The following RIT2 variants were observed in gnomAD, a reference collection of about 807,000 sequenced individuals.
RIT2 encodes Ras like without CAAX 2, also known as GTP-binding protein Rit2.
A neutral mutation model predicts 23.7 loss-of-function variants in RIT2; 24 were observed. The ratio of observed to expected loss-of-function variants is 1.01; its 90% CI spans 0.73 to 1.43. The LOEUF is 1.43. Ranked by LOEUF, RIT2 falls within the 40% of genes most tolerant of loss-of-function variation. The pLI, the probability that RIT2 is intolerant of heterozygous loss-of-function variation, is 0.00. For missense variants in RIT2, 236 were observed against 266.9 expected, an observed-to-expected ratio of 0.88 and a Z score of 0.81; for synonymous variants, 107 against 91.1, an observed-to-expected ratio of 1.17 and a Z score of -0.99.
intron 1 of RIT2, among the ~76,000 whole-genome samples, chr18:43,039,547 C>T (rs1327325099): frequency 1.3e-5 from 2 of 151,974 alleles, no homozygotes; most frequent in Admixed American, 1.3e-4. Flanking sequence ...AGGGTTTCTC[C>T]GTGTTGGTCA....
intron 4 of RIT2, among the ~76,000 whole-genome samples, chr18:42,790,592 C>A (rs952374378): frequency 2.0e-5 from 3 of 152,124 alleles, no homozygotes; most frequent in African/African-American, 7.2e-5. Context: ...CCACACCCAG[C>A]AAATTTTTGT....
intron 2 of RIT2, among the ~76,000 whole-genome samples, chr18:42,988,225 A>G (rs368889325): frequency 3.3e-5 from 5 of 152,296 alleles, no homozygotes; most frequent in African/African-American, 9.6e-5. Context: ...TTAAAAAAAA[A>G]GTTTTAAAAA....
chr18:42,964,759 T>G (rs951617863), intron 3 of RIT2, among the ~76,000 whole-genome samples: 1 of 152,230 alleles, frequency 6.6e-6, no homozygotes, highest in Non-Finnish European at 1.5e-5. Context: ...ATAAACCTCC[T>G]AAAATGATTT....
chr18:42,912,067 T>A (rs1908783227), intron 4 of RIT2, among the ~76,000 whole-genome samples: 1 of 151,626 alleles, frequency 6.6e-6, no homozygotes, highest in African/African-American at 2.4e-5. Flanking sequence ...TATAGAAAAA[T>A]ATATATGTAT....
intron 4 of RIT2, among the ~76,000 whole-genome samples, chr18:42,870,002 T>A (rs1296619670): frequency 6.6e-6 from 1 of 152,158 alleles, no homozygotes; most frequent in Non-Finnish European, 1.5e-5. Context: ...CTGTAAGTAA[T>A]ACCTTTCTTC....
chr18:43,103,209 T>C (rs1913729830), intron 1 of RIT2, among the ~76,000 whole-genome samples: 1 of 152,172 alleles, frequency 6.6e-6, no homozygotes, highest in South Asian at 2.1e-4. Context: ...CATGGCTCTA[T>C]TGTGAACTTT....
chr18:43,013,444 G>T (rs1366751251), intron 2 of RIT2, among the ~76,000 whole-genome samples: 1 of 151,894 alleles, frequency 6.6e-6, no homozygotes, highest in East Asian at 2.0e-4. Context: ...TCCCAGTGGG[G>T]AGAATGTTGA....
chr18:43,059,778 T>TG (rs947069339), intron 1 of RIT2, among the ~76,000 whole-genome samples: 2 of 29,226 alleles, frequency 6.8e-5, no homozygotes, highest in African/African-American at 1.2e-4. Context: ...ATTCTTACAC[T>TG]TTTTTTTTAT....
intron 1 of RIT2, among the ~76,000 whole-genome samples, chr18:43,045,655 A>G (rs1912229156): frequency 1.3e-5 from 2 of 152,206 alleles, no homozygotes; most frequent in Admixed American, 1.3e-4. Context: ...ATCATAGAAT[A>G]GTCAACTACC....
intron 4 of RIT2, among the ~76,000 whole-genome samples, chr18:42,909,638 C>A (rs1230320755): frequency 6.6e-6 from 1 of 151,772 alleles, no homozygotes; most frequent in African/African-American, 2.4e-5. Flanking sequence ...AAACCAAAAC[C>A]CACCTATACC....
chr18:42,771,215 A>G (rs1238282749), intron 4 of RIT2, among the ~76,000 whole-genome samples: 1 of 152,092 alleles, frequency 6.6e-6, no homozygotes, highest in African/African-American at 2.4e-5. Context: ...CTTTCTCATC[A>G]GTCTAAACAA....
At chr18:43,063,264 C>A (rs149949661) in intron 1 of RIT2, among the ~76,000 whole-genome samples, 1 of 152,062 alleles carries the variant, frequency 6.6e-6, no homozygotes, top group African/African-American at 2.4e-5. Flanking sequence ...ATTCACCATA[C>A]CTGTGTCAGG....
At chr18:42,876,211 G>C (rs1405645928) in intron 4 of RIT2, among the ~76,000 whole-genome samples, 2 of 151,908 alleles carry the variant, frequency 1.3e-5, no homozygotes, top group African/African-American at 4.8e-5. Context: ...GAAGTGAGAT[G>C]ATGAATATAT....
chr18:42,845,045 TG>T (rs1247516014), intron 4 of RIT2, among the ~76,000 whole-genome samples: 1 of 152,200 alleles, frequency 6.6e-6, no homozygotes, highest in African/African-American at 2.4e-5. Flanking sequence ...GGGCAAATGA[TG>T]CGTTCAATTT....
At chr18:42,893,580 T>G (rs1908241320) in intron 4 of RIT2, among the ~76,000 whole-genome samples, 1 of 152,188 alleles carries the variant, frequency 6.6e-6, no homozygotes, top group Non-Finnish European at 1.5e-5. Context: ...TCAATAGATA[T>G]TTTGGGGGGA....
At chr18:42,957,818 TTAA>T (rs1302947384) in intron 3 of RIT2, among the ~76,000 whole-genome samples, 3 of 152,146 alleles carry the variant, frequency 2.0e-5, no homozygotes, top group Non-Finnish European at 2.9e-5. Flanking sequence ...GATTCATTAA[TTAA>T]TAATAATTTA....
chr18:42,931,745 A>G (rs1180894534), intron 3 of RIT2, among the ~76,000 whole-genome samples: 1 of 152,170 alleles, frequency 6.6e-6, no homozygotes, highest in East Asian at 1.9e-4. Flanking sequence ...AGAAGCCAGC[A>G]TAACTGTGTT....
At chr18:42,972,400 T>C (rs1280927501) in intron 3 of RIT2, among the ~76,000 whole-genome samples, 1 of 151,946 alleles carries the variant, frequency 6.6e-6, no homozygotes, top group Non-Finnish European at 1.5e-5. Context: ...TTCTAGTTGC[T>C]TGTACACTAT....
intron 4 of RIT2, among the ~76,000 whole-genome samples, chr18:42,825,067 T>C (rs1048046935): frequency 6.6e-6 from 1 of 151,926 alleles, no homozygotes; most frequent in Non-Finnish European, 1.5e-5. Context: ...TTAATCTATT[T>C]AGTCAAATAA....
Sources: allele counts gnomAD v4.1 joint callset (sites outside exome capture counted in the v4.1 genomes callset), GRCh38; gene constraint gnomAD v4.1.1; transcripts MANE v1.5; gene names NCBI Gene and HGNC (gene_info 2026-07-23, HGNC 2026-07-21).